HCN1: variants seen among roughly 807,000 people sequenced by gnomAD.
HCN1 encodes the protein potassium/sodium hyperpolarization-activated cyclic nucleotide-gated channel 1.
HCN1 carries 13 observed loss-of-function variants against 78.9 expected under a neutral mutation model. That is an observed-to-expected ratio of 0.16 (90% CI 0.11 to 0.26). HCN1 has a LOEUF of 0.26. Among genes scored for constraint, HCN1 ranks in the 10% least tolerant of loss-of-function variants. HCN1 has a pLI of 1.00. For missense variants in HCN1, 810 were observed against 1,154.3 expected, an observed-to-expected ratio of 0.70 and a Z score of 4.32; for synonymous variants, 552 against 455.5, an observed-to-expected ratio of 1.21 and a Z score of -2.70.
chr5:45,645,684 G>T (rs1745535420), intron 1 of HCN1, 76 bp from the exon 2 acceptor site: 5 of 806,170 alleles, frequency 6.2e-6, no homozygotes, highest in African/African-American at 1.7e-5. Flanking sequence ...AATTATTACT[G>T]ATATATAGTG....
At chr5:45,444,802 T>TATG (rs2111578255) in intron 3 of HCN1, among the ~76,000 whole-genome samples, 1 of 142,752 alleles carries the variant, frequency 7.0e-6, no homozygotes, top group East Asian at 1.9e-4. Context: ...TTCTTTCTTT[T>TATG]ATTATTATTA....
chr5:45,451,771 T>C (rs959884584), intron 3 of HCN1, among the ~76,000 whole-genome samples: 4 of 151,832 alleles, frequency 2.6e-5, no homozygotes, highest in African/African-American at 9.7e-5. Context: ...TTCTGGAAAA[T>C]TAAGAAGGTC....
intron 2 of HCN1, among the ~76,000 whole-genome samples, chr5:45,572,283 G>A (rs1322475205): frequency 2.6e-5 from 4 of 152,128 alleles, no homozygotes; most frequent in Non-Finnish European, 5.9e-5. Context: ...GTAAATTACA[G>A]AAATTGCATC....
At chr5:45,686,720 C>G (rs533013504) in intron 1 of HCN1, among the ~76,000 whole-genome samples, 1 of 152,270 alleles carries the variant, frequency 6.6e-6, no homozygotes, top group South Asian at 2.1e-4. Context: ...TCCAAATGAT[C>G]TCTGGAACAC....
At chr5:45,273,147 G>A (rs566153720) in intron 6 of HCN1, among the ~76,000 whole-genome samples, 6 of 151,784 alleles carry the variant, frequency 4.0e-5, no homozygotes, top group East Asian at 1.9e-4. Context: ...ATTTTAATTC[G>A]GTAGAATTTT....
intron 2 of HCN1, among the ~76,000 whole-genome samples, chr5:45,555,581 C>T (rs1330445359): frequency 1.3e-5 from 2 of 151,684 alleles, no homozygotes; most frequent in African/African-American, 4.8e-5. Context: ...CACAGAGACA[C>T]TAGCCAAAAC....
intron 1 of HCN1, among the ~76,000 whole-genome samples, chr5:45,681,436 A>C (rs1230729061): frequency 2.0e-5 from 3 of 152,008 alleles, no homozygotes; most frequent in Admixed American, 2.0e-4. Flanking sequence ...GTCAACTTCA[A>C]TTTCCTTTAC....
chr5:45,460,635 A>C lies in HCN1; in HGVS notation c.1011+1211T>G, dbSNP rs572482993. 1.2e-4 allele frequency among the ~76,000 whole-genome samples: 18 copies of C among 152,188 alleles called. 2 individuals are homozygous for C. The South Asian group carries it at 3.7e-3, about 32-fold the overall frequency. On this transcript the variant is annotated intron_variant, in intron 3 of 7. Coordinates refer to ENST00000303230, the MANE Select transcript of HCN1 (RefSeq NM_021072.4). ...GTGATATATAAGCAAATATTAATGA[A>C]ATGAAGCGAGATCTAGGTAAATATA...
At position 45,403,718 on chromosome 5, in the gene HCN1, A is replaced by G. The variant is rs1391267563; in HGVS notation, c.1012-7008T>C. ...CCAAACCATATCAGGGCTCAAGGAGAAAAAATAGATTGACTGTGATAAAAC... is the reference window on the plus strand; with the variant it reads ...CCAAACCATATCAGGGCTCAAGGAGGAAAAATAGATTGACTGTGATAAAAC... On this transcript the variant is annotated intron_variant, in intron 3 of 7. Transcript: ENST00000303230. 3.3e-5 allele frequency among the ~76,000 whole-genome samples: 5 copies of G among 152,142 alleles called. No homozygotes were observed. In the East Asian group the frequency reaches 5.8e-4, roughly 18 times the overall value.
At chr5:45,374,042 T>C (rs1383759985) in intron 4 of HCN1, among the ~76,000 whole-genome samples, 6 of 108,096 alleles carry the variant, frequency 5.6e-5, no homozygotes, top group South Asian at 4.8e-4. Context: ...ATACATAATA[T>C]ATATTATATA....
At chr5:45,462,885 C>G (rs1429702400) in intron 2 of HCN1, among the ~76,000 whole-genome samples, 1 of 151,998 alleles carries the variant, frequency 6.6e-6, no homozygotes, top group Non-Finnish European at 1.5e-5. Context: ...ATTGTACTCT[C>G]TAACTGGCTG....
intron 6 of HCN1, among the ~76,000 whole-genome samples, chr5:45,276,002 C>G (rs567138994): frequency 6.6e-6 from 1 of 152,138 alleles, no homozygotes; most frequent in South Asian, 2.1e-4. Flanking sequence ...ATTTTTGGCT[C>G]TTAGGTACCT....
intron 5 of HCN1, among the ~76,000 whole-genome samples, chr5:45,352,889 A>C (rs1353850268): frequency 6.6e-6 from 1 of 152,054 alleles, no homozygotes; most frequent in Non-Finnish European, 1.5e-5. Context: ...CAGACAAGAG[A>C]ACAGTTCTGA....
chr5:45,344,176 C>T (rs1294793595), intron 5 of HCN1, among the ~76,000 whole-genome samples: 2 of 152,036 alleles, frequency 1.3e-5, no homozygotes, highest in African/African-American at 2.4e-5. Context: ...CTTTTAATAC[C>T]ATCAGATCTT....
chr5:45,282,247 T>C (rs1271548522), intron 6 of HCN1, among the ~76,000 whole-genome samples: 1 of 152,208 alleles, frequency 6.6e-6, no homozygotes, highest in Non-Finnish European at 1.5e-5. Flanking sequence ...GTGCTCCATG[T>C]GTAAAAGAAA....
At chr5:45,278,992 AC>A (rs1745112914) in intron 6 of HCN1, among the ~76,000 whole-genome samples, 1 of 152,122 alleles carries the variant, frequency 6.6e-6, no homozygotes, top group Non-Finnish European at 1.5e-5. Context: ...AACTATCTGA[AC>A]TTTTACAGAA....
intron 2 of HCN1, among the ~76,000 whole-genome samples, chr5:45,588,675 AC>A (rs1248960241): frequency 1.3e-5 from 2 of 152,062 alleles, no homozygotes; most frequent in Non-Finnish European, 2.9e-5. Context: ...GTTAGGAGTC[AC>A]CCCCTCCAGG....
chr5:45,348,148 C>A lies in HCN1; in HGVS notation c.1377+4952G>T, dbSNP rs188053308. Among the ~76,000 whole-genome samples the A allele has an allele frequency of 6.6e-3, 1,002 of 152,272 alleles. 22 individuals carry two copies. The highest frequency in any genetic ancestry group is 0.04 in the Admixed American group (618 of 15,282). On this transcript the variant is annotated intron_variant, in intron 5 of 7. Coordinates refer to ENST00000303230, the MANE Select transcript of HCN1 (RefSeq NM_021072.4). ...GGATTACCCACAAAGGGAAGCCCAT[C>A]AGACTAACAGCAGATCTCTCAGCAG...
intron 2 of HCN1, among the ~76,000 whole-genome samples, chr5:45,564,043 C>T (rs1579971809): frequency 1.3e-5 from 2 of 152,142 alleles, no homozygotes; most frequent in East Asian, 3.9e-4. Context: ...TTATTACCAT[C>T]TACATCCTCA....
Sources: gnomAD v4.1 joint callset for allele counts (sites outside exome capture counted in the v4.1 genomes callset) on GRCh38, gnomAD v4.1.1 for gene constraint, MANE v1.5 for transcripts, NCBI Gene and HGNC (gene_info 2026-07-23, HGNC 2026-07-21) for gene names.